Variants in ITGA8 observed in about 807,000 individuals in gnomAD.
The protein encoded by ITGA8 is integrin subunit alpha 8.
In ITGA8, 91 loss-of-function variants were observed where a neutral mutation model predicts 142.3. That is an observed-to-expected ratio of 0.64 (90% CI 0.54 to 0.76). ITGA8 has a LOEUF of 0.76. ITGA8 is among the 30% of genes least tolerant of loss of function. The probability of loss-of-function intolerance (pLI) is 0.00; values close to 1 mark genes in which losing one functional copy is unlikely to be tolerated. For missense variants in ITGA8, 1,406 were observed against 1,327.7 expected, an observed-to-expected ratio of 1.06 and a Z score of -0.92; for synonymous variants, 505 against 485.2, an observed-to-expected ratio of 1.04 and a Z score of -0.54.
chr10:15,523,891 C>A (rs548249658), intron 28 of ITGA8, among the ~76,000 whole-genome samples: 11 of 152,162 alleles, frequency 7.2e-5, no homozygotes, highest in South Asian at 6.2e-4. Context: ...AAGATCGCAC[C>A]ACTGCACTCC....
intron 27 of ITGA8, 78 bp downstream of exon 27, chr10:15,548,377 T>C (rs750739704): frequency 2.3e-5 from 23 of 992,478 alleles, no homozygotes; most frequent in African/African-American, 5.0e-5. Context: ...GAAATCGCTA[T>C]GAAAAGACTT....
At chr10:15,530,734 T>C (rs1228694418) in intron 28 of ITGA8, among the ~76,000 whole-genome samples, 2 of 152,188 alleles carry the variant, frequency 1.3e-5, no homozygotes, top group African/African-American at 4.8e-5. Flanking sequence ...AACCATGCTG[T>C]TTAAAATGAA....
chr10:15,662,382 C>T (rs1217248404), intron 8 of ITGA8, among the ~76,000 whole-genome samples: 1 of 137,424 alleles, frequency 7.3e-6, no homozygotes, highest in Non-Finnish European at 1.5e-5. Context: ...GTTGCCCAGC[C>T]TGGAGTGTAG....
chr10:15,535,772 G>A (rs1833419283), intron 27 of ITGA8, among the ~76,000 whole-genome samples: 1 of 152,168 alleles, frequency 6.6e-6, no homozygotes, highest in Non-Finnish European at 1.5e-5. Flanking sequence ...GCCTGGGACA[G>A]CAGTGGCAAC....
intron 8 of ITGA8, among the ~76,000 whole-genome samples, chr10:15,664,965 G>A (rs534422211): frequency 7.9e-5 from 12 of 152,136 alleles, no homozygotes; most frequent in Admixed American, 2.6e-4. Context: ...GAATAGAGCC[G>A]CAATAAACAT....
intron 20 of ITGA8, among the ~76,000 whole-genome samples, chr10:15,601,100 G>A (rs539283721): frequency 7.2e-5 from 11 of 152,000 alleles, no homozygotes; most frequent in Non-Finnish European, 7.4e-5. Flanking sequence ...TTAGTCAGGC[G>A]TGGTGGTGGG....
chr10:15,668,237 CTCT>C (rs1834435695), intron 8 of ITGA8, among the ~76,000 whole-genome samples: 1 of 152,154 alleles, frequency 6.6e-6, no homozygotes, highest in Admixed American at 6.5e-5. Context: ...GGATAGTTAG[CTCT>C]TCTTGTTGAA....
At chr10:15,537,030 C>T (rs546582643) in intron 27 of ITGA8, among the ~76,000 whole-genome samples, 1 of 152,134 alleles carries the variant, frequency 6.6e-6, no homozygotes, top group East Asian at 1.9e-4. Flanking sequence ...AGTGGCAAAA[C>T]TTTCACCTGT....
intron 2 of ITGA8, among the ~76,000 whole-genome samples, chr10:15,714,643 T>G (rs1293562032): frequency 2.0e-5 from 3 of 151,960 alleles, no homozygotes; most frequent in Non-Finnish European, 4.4e-5. Context: ...TCATGAGAAA[T>G]GTTAAAGAAA....
chr10:15,655,403 C>T lies in ITGA8; in HGVS notation c.952G>A (p.Ala318Thr). Residue 318 changes from alanine to threonine, a missense_variant, in exon 11 of 30, where the codon GCA becomes ACA. Physicochemically the swap from Ala to Thr is moderately conservative, Grantham distance 58. Transcript: ENST00000378076. The part of the protein sequence containing the change: ...FIQNFTGEQM[A>T]SYFGYTVVVS... The stretch of plus-strand genomic sequence containing the variant: ...ACAACGGTATATCCAAAATAAGATG[C>T]CATCTGCAAAGGAAAATCAGGAGAT... 3 of 1,609,246 alleles carry T rather than the reference C, an allele frequency of 1.9e-6. No individual in the cohort carries two copies. Among genetic ancestry groups the T allele is most frequent in the Non-Finnish European group, 2.6e-6 (3 of 1,176,226 alleles).
chr10:15,675,851 T>C (rs965165145), intron 6 of ITGA8, among the ~76,000 whole-genome samples: 13 of 152,198 alleles, frequency 8.5e-5, no homozygotes, highest in Non-Finnish European at 1.8e-4. Context: ...ATGTGAAACC[T>C]GAATAAAATT....
intron 28 of ITGA8, among the ~76,000 whole-genome samples, chr10:15,530,323 G>A (rs1014199134): frequency 6.6e-5 from 10 of 151,926 alleles, no homozygotes; most frequent in Non-Finnish European, 1.0e-4. Flanking sequence ...TGAGGCGGGC[G>A]GATCACAAGT....
At chr10:15,696,607 T>G (rs1835056898) in intron 2 of ITGA8, among the ~76,000 whole-genome samples, 1 of 152,158 alleles carries the variant, frequency 6.6e-6, no homozygotes, top group African/African-American at 2.4e-5. Context: ...AAGACAATAA[T>G]TTCATGCTGA....
intron 25 of ITGA8, among the ~76,000 whole-genome samples, chr10:15,565,719 A>G (rs1834066888): frequency 6.6e-6 from 1 of 150,848 alleles, no homozygotes; most frequent in Non-Finnish European, 1.5e-5. Context: ...CCTCCTGAGT[A>G]GCTGGGATTG....
At chr10:15,566,221 G>A (rs1202710678) in intron 25 of ITGA8, among the ~76,000 whole-genome samples, 1 of 152,092 alleles carries the variant, frequency 6.6e-6, no homozygotes, top group Admixed American at 6.5e-5. Flanking sequence ...GACTGGTCTG[G>A]TTCAGGAGAC....
chr10:15,678,641 T>C, intron 5 of ITGA8, 81 bp downstream of exon 5: 1 of 889,498 alleles, frequency 1.1e-6, no homozygotes, highest in Non-Finnish European at 1.9e-6. Flanking sequence ...GTGGTGGTGG[T>C]TTTGGGGTGT....
At position 15,657,509 on chromosome 10, in the gene ITGA8, C is replaced by CTTTTTTTTTTTTTTTT. The variant is rs534714654; in HGVS notation, c.948+1489_948+1490insAAAAAAAAAAAAAAAA. On this transcript the variant is annotated intron_variant, in intron 10 of 29. Coordinates refer to ENST00000378076, the MANE Select transcript of ITGA8 (RefSeq NM_003638.3). ...CTGCTGGTTTCTTTTTCTTTTCTTTCATTTTTTTTTTTTTTTTTTTTTAAC... is the reference window on the plus strand; with the variant it reads ...CTGCTGGTTTCTTTTTCTTTTCTTTCTTTTTTTTTTTTTTTTATTTTTTTTTTTTTTTTTTTTTAAC... 2.6e-5 allele frequency among the ~76,000 whole-genome samples: 3 copies of CTTTTTTTTTTTTTTTT among 116,498 alleles called. 1 individual carries two copies. The highest frequency in any genetic ancestry group is 1.8e-5 in the Non-Finnish European group (1 of 57,004). 76.4% of individuals were successfully genotyped at this position (116,498 alleles called of 152,430 possible).
intron 19 of ITGA8, 85 bp downstream of exon 19, chr10:15,605,639 A>G (rs1368646289): frequency 9.3e-7 from 1 of 1,075,220 alleles, no homozygotes; most frequent in Non-Finnish European, 1.4e-6. Flanking sequence ...AGTTATTGGA[A>G]GTGTATACTT....
intron 26 of ITGA8, among the ~76,000 whole-genome samples, chr10:15,549,199 C>CTTTTTTT (rs1564346419): frequency 2.0e-5 from 1 of 48,848 alleles, no homozygotes; most frequent in African/African-American, 8.7e-5. Context: ...CTTTTCTTTT[C>CTTTTTTT]TGTTTTTTTT....
Sources: allele counts gnomAD v4.1 joint callset (sites outside exome capture counted in the v4.1 genomes callset), GRCh38; gene constraint gnomAD v4.1.1; transcripts MANE v1.5; gene names NCBI Gene and HGNC (gene_info 2026-07-23, HGNC 2026-07-21).